The following SPATA16 variants were observed in gnomAD, a reference collection of about 807,000 sequenced individuals.
The protein encoded by SPATA16 is spermatogenesis associated 16.
Under a neutral mutation model 63.3 loss-of-function variants are expected in SPATA16, and 36 were observed. That is an observed-to-expected ratio of 0.57 (90% confidence interval 0.44 to 0.75). The LOEUF is 0.75. Among genes scored for constraint, SPATA16 ranks in the 30% least tolerant of loss-of-function variants. The pLI, the probability that SPATA16 is intolerant of heterozygous loss-of-function variation, is 0.00. For synonymous variants in SPATA16, 203 were observed against 216.7 expected (o/e 0.94, Z 0.56); for missense variants, 646 against 679.3 (o/e 0.95, Z 0.54).
intron 1 of SPATA16, among the ~76,000 whole-genome samples, chr3:173,127,709 C>G (rs1358001063): frequency 6.6e-6 from 1 of 152,244 alleles, no homozygotes; most frequent in Non-Finnish European, 1.5e-5. Flanking sequence ...TGGAGGCATA[C>G]AACGTCCGCT....
Position 173,141,096 on chromosome 3 carries a change from C to T in SPATA16, c.-19+7G>A, listed in dbSNP as rs1455796739. The T allele has an allele frequency of 2.0e-5, 3 of 152,330 alleles. No individual in the cohort carries two copies. The highest frequency in any genetic ancestry group is 1.9e-4 in the East Asian group (1 of 5,188). 9.4% of individuals were successfully genotyped at this position (152,330 alleles called of 1,614,324 possible). Reference sequence around the variant, plus strand: ...AACTGGGCAGACCTGAATGATTCTCCTCCTACCTAAGCAGTTGTGGCTCAG... The same window carrying T: ...AACTGGGCAGACCTGAATGATTCTCTTCCTACCTAAGCAGTTGTGGCTCAG... On this transcript the variant is annotated splice_region_variant and intron_variant, in intron 1 of 10. Transcript: ENST00000351008.
chr3:172,910,967 G>A (rs1364005440), intron 10 of SPATA16, among the ~76,000 whole-genome samples: 3 of 152,104 alleles, frequency 2.0e-5, no homozygotes, highest in East Asian at 3.9e-4. Context: ...CTCCAAATCC[G>A]CTCTTTTATA....
At chr3:172,892,578 G>A (rs1731913517) in intron 10 of SPATA16, among the ~76,000 whole-genome samples, 1 of 152,168 alleles carries the variant, frequency 6.6e-6, no homozygotes, top group South Asian at 2.1e-4. Flanking sequence ...GTGTAGGAGA[G>A]CTGCAACATG....
At chr3:172,968,315 C>A (rs1733965989) in intron 5 of SPATA16, among the ~76,000 whole-genome samples, 1 of 152,178 alleles carries the variant, frequency 6.6e-6, no homozygotes, top group Admixed American at 6.5e-5. Context: ...CCATTTATTT[C>A]TCAGTGAGAG....
At chr3:172,949,864 G>A (rs1733386957) in intron 6 of SPATA16, among the ~76,000 whole-genome samples, 1 of 152,086 alleles carries the variant, frequency 6.6e-6, no homozygotes, top group Non-Finnish European at 1.5e-5. Context: ...TTTTGAGTAG[G>A]AAAGGAGATT....
chr3:172,963,930 A>C (rs958489699), intron 5 of SPATA16, among the ~76,000 whole-genome samples: 36 of 152,228 alleles, frequency 2.4e-4, no homozygotes, highest in African/African-American at 8.7e-4. Context: ...TTAGATTGTA[A>C]ATTCTCGGAA....
At chr3:173,125,492 C>T (rs1738203131) in intron 1 of SPATA16, among the ~76,000 whole-genome samples, 1 of 152,198 alleles carries the variant, frequency 6.6e-6, no homozygotes, top group African/African-American at 2.4e-5. Flanking sequence ...ACATATCTTT[C>T]CCCCTTGGTC....
chr3:172,908,454 G>C (rs546844744), intron 10 of SPATA16, among the ~76,000 whole-genome samples: 2 of 152,182 alleles, frequency 1.3e-5, no homozygotes, highest in Admixed American at 6.5e-5. Context: ...ACTCTGTAAA[G>C]AATATATTTC....
chr3:172,973,336 A>G (rs1471602510), intron 5 of SPATA16, among the ~76,000 whole-genome samples: 1 of 152,186 alleles, frequency 6.6e-6, no homozygotes, highest in Non-Finnish European at 1.5e-5. Context: ...AGAGGGGTCT[A>G]TAGCTCAAAA....
At chr3:172,981,066 C>T (rs1024316624) in intron 4 of SPATA16, among the ~76,000 whole-genome samples, 10 of 152,112 alleles carry the variant, frequency 6.6e-5, no homozygotes, top group African/African-American at 2.4e-4. Flanking sequence ...CATTCTCAGG[C>T]GCAAGTCATA....
intron 2 of SPATA16, among the ~76,000 whole-genome samples, chr3:173,083,944 GAAGTATT>G (rs1736983993): frequency 1.3e-5 from 2 of 151,912 alleles, no homozygotes; most frequent in South Asian, 4.2e-4. Flanking sequence ...GCGCTGCAAT[GAAGTATT>G]CACAATAGCA....
chr3:172,966,188 TAAATG>T (rs1455701241), intron 5 of SPATA16, among the ~76,000 whole-genome samples: 1 of 152,336 alleles, frequency 6.6e-6, no homozygotes, highest in South Asian at 2.1e-4. Context: ...CACGTAATAT[TAAATG>T]AAATGAGATA....
intron 6 of SPATA16, among the ~76,000 whole-genome samples, chr3:172,934,424 A>G (rs1341553578): frequency 1.3e-5 from 2 of 152,184 alleles, no homozygotes; most frequent in Non-Finnish European, 2.9e-5. Flanking sequence ...TAAGATTAAT[A>G]TACAAAATGT....
intron 10 of SPATA16, among the ~76,000 whole-genome samples, chr3:172,906,699 G>A (rs898313940): frequency 1.3e-5 from 2 of 152,148 alleles, no homozygotes; most frequent in Non-Finnish European, 2.9e-5. Context: ...CTGGCTGTGT[G>A]ACTTTAGGCA....
At chr3:173,001,197 C>T (rs1409733855) in intron 4 of SPATA16, among the ~76,000 whole-genome samples, 3 of 151,148 alleles carry the variant, frequency 2.0e-5, no homozygotes, top group Non-Finnish European at 4.4e-5. Context: ...GGGAATTGTT[C>T]TATAATTAGG....
intron 6 of SPATA16, among the ~76,000 whole-genome samples, chr3:172,946,721 G>A (rs560701090): frequency 7.2e-5 from 11 of 152,294 alleles, no homozygotes; most frequent in Admixed American, 6.5e-4. Flanking sequence ...TCCAGGCCCT[G>A]GCTCATGGAC....
Position 173,076,648 on chromosome 3 carries a change from GATATT to G in SPATA16, c.613-27559_613-27555del, listed in dbSNP as rs776769013. On this transcript the variant is annotated intron_variant, in intron 2 of 10. Transcript: ENST00000351008. ...CAGGGATAATAAAAATTTTGAAAAA[GATATT>G]ATATTATATAGATGAGGGAAATATA... is the stretch of plus-strand genomic sequence containing the variant. Among the ~76,000 whole-genome samples, 16 of 151,976 alleles carry G rather than the reference GATATT, an allele frequency of 1.1e-4. 1 individual carries two copies. Among genetic ancestry groups the G allele is most frequent in the Admixed American group, 2.6e-4 (4 of 15,266 alleles).
intron 6 of SPATA16, among the ~76,000 whole-genome samples, chr3:172,935,019 G>A (rs572413619): frequency 1.1e-3 from 162 of 152,140 alleles, no homozygotes; most frequent in Non-Finnish European, 2.1e-3. Flanking sequence ...AAAAATGAGA[G>A]ATATAAACAT....
intron 10 of SPATA16, among the ~76,000 whole-genome samples, chr3:172,908,055 G>C (rs1336136060): frequency 6.6e-6 from 1 of 152,146 alleles, no homozygotes; most frequent in Admixed American, 6.5e-5. Context: ...GCCTACTTCA[G>C]TAGAGTGCAG....
Sources: gnomAD v4.1 joint callset for allele counts (sites outside exome capture counted in the v4.1 genomes callset) on GRCh38, gnomAD v4.1.1 for gene constraint, MANE v1.5 for transcripts, NCBI Gene and HGNC (gene_info 2026-07-23, HGNC 2026-07-21) for gene names.